Variants in ZFAT observed in about 807,000 individuals in gnomAD.
The protein encoded by ZFAT is zinc finger protein ZFAT.
Under a neutral mutation model 117.7 loss-of-function variants are expected in ZFAT, and 64 were observed. The observed-to-expected ratio is 0.54, with a 90% CI of 0.44 to 0.67. ZFAT has a LOEUF of 0.67. ZFAT is among the 30% of genes least tolerant of loss of function. The probability of loss-of-function intolerance (pLI) is 0.00; values close to 1 mark genes in which losing one functional copy is unlikely to be tolerated. For synonymous variants in ZFAT, 679 were observed against 615.0 expected, an observed-to-expected ratio of 1.10 and a Z score of -1.54; for missense variants, 1,433 against 1,584.5, an observed-to-expected ratio of 0.90 and a Z score of 1.62.
intron 5 of ZFAT, among the ~76,000 whole-genome samples, chr8:134,608,421 C>T (rs1282796466): frequency 5.3e-5 from 8 of 152,278 alleles, no homozygotes; most frequent in Middle Eastern, 3.4e-3. Context: ...TTTACTTAAG[C>T]TATGTTTCTA....
intron 12 of ZFAT, among the ~76,000 whole-genome samples, chr8:134,523,645 C>T (rs1820820733): frequency 6.6e-6 from 1 of 152,212 alleles, no homozygotes; most frequent in South Asian, 2.1e-4. Flanking sequence ...AAAATCCTGA[C>T]TCCTCCCTGT....
At chr8:134,636,664 T>C (rs1217842562) in intron 3 of ZFAT, among the ~76,000 whole-genome samples, 3 of 152,176 alleles carry the variant, frequency 2.0e-5, no homozygotes, top group Non-Finnish European at 2.9e-5. Context: ...GGGTACAGTT[T>C]GAAGGCTTCA....
At chr8:134,700,839 G>A (rs1003766351) in intron 1 of ZFAT, among the ~76,000 whole-genome samples, 3 of 152,088 alleles carry the variant, frequency 2.0e-5, no homozygotes, top group African/African-American at 7.2e-5. Context: ...CCTTGTACAA[G>A]CTTCTGGCAC....
At chr8:134,744,226 G>C in the ZFAT span, among the ~76,000 whole-genome samples, 1 of 151,926 alleles carries the variant, frequency 6.6e-6, no homozygotes, top group South Asian at 2.1e-4. Flanking sequence ...GTATGACTGA[G>C]GCCCCCATCT....
At chr8:134,514,074 A>C (rs4909858) in intron 13 of ZFAT, among the ~76,000 whole-genome samples, 8 of 151,996 alleles carry the variant, frequency 5.3e-5, no homozygotes, top group Non-Finnish European at 1.5e-5. Context: ...GAAGGCTGGT[A>C]CTCGTTGCAA....
At chr8:134,499,957 C>T (rs1349040575) in intron 15 of ZFAT, among the ~76,000 whole-genome samples, 2 of 152,134 alleles carry the variant, frequency 1.3e-5, no homozygotes, top group East Asian at 1.9e-4. Flanking sequence ...TTCTTGTTTC[C>T]GGGAATCCCT....
At chr8:134,555,416 A>G (rs1225926001) in intron 11 of ZFAT, among the ~76,000 whole-genome samples, 2 of 152,228 alleles carry the variant, frequency 1.3e-5, no homozygotes, top group Non-Finnish European at 2.9e-5. Flanking sequence ...AGGTGCTATG[A>G]ACTGTCTTGG....
intron 11 of ZFAT, among the ~76,000 whole-genome samples, chr8:134,556,085 G>GAAGA (rs1261923469): frequency 1.4e-5 from 2 of 142,748 alleles, no homozygotes; most frequent in African/African-American, 5.2e-5. Context: ...GGGAAGGAAG[G>GAAGA]GAGGGAAAAA....
At chr8:134,596,880 A>C (rs1039618164) in intron 7 of ZFAT, among the ~76,000 whole-genome samples, 6 of 152,154 alleles carry the variant, frequency 3.9e-5, no homozygotes, top group Non-Finnish European at 8.8e-5. Context: ...CCTAGGGCTC[A>C]GGGAGGGGAA....
chr8:134,669,992 A>G (rs1256733440), intron 1 of ZFAT, among the ~76,000 whole-genome samples: 1 of 152,066 alleles, frequency 6.6e-6, no homozygotes, highest in East Asian at 1.9e-4. Context: ...ACAAAGATCA[A>G]AAGAGACAAA....
chr8:134,529,337 G>C (rs1821243740), intron 12 of ZFAT, among the ~76,000 whole-genome samples: 1 of 152,204 alleles, frequency 6.6e-6, no homozygotes, highest in Admixed American at 6.5e-5. Flanking sequence ...TACTGAACCA[G>C]TTCTTGAGCT....
chr8:134,753,212 AC>A, the ZFAT span, among the ~76,000 whole-genome samples: 1 of 146,652 alleles, frequency 6.8e-6, no homozygotes. Flanking sequence ...AAAAAAAACA[AC>A]ACAAAACCAA....
the ZFAT span, among the ~76,000 whole-genome samples, chr8:134,758,438 T>C: frequency 2.6e-5 from 4 of 152,258 alleles, no homozygotes; most frequent in African/African-American, 7.2e-5. Context: ...CTCTCTGTGC[T>C]TAGTTTAAGA....
chr8:134,503,413 A>C (rs1335433349), intron 15 of ZFAT, among the ~76,000 whole-genome samples: 3 of 152,238 alleles, frequency 2.0e-5, no homozygotes, highest in African/African-American at 7.2e-5. Flanking sequence ...TCACCCTTGA[A>C]GCAAATAACA....
At chr8:134,810,257 T>C in the ZFAT span, among the ~76,000 whole-genome samples, 2 of 152,198 alleles carry the variant, frequency 1.3e-5, no homozygotes, top group African/African-American at 2.4e-5. Context: ...GGAAAATTGC[T>C]AACTTCAGTC....
the ZFAT span, among the ~76,000 whole-genome samples, chr8:134,815,938 T>C: frequency 9.2e-5 from 14 of 152,386 alleles, no homozygotes; most frequent in East Asian, 1.2e-3. Context: ...TTTATCTTCC[T>C]CTTCTGTCAG....
intron 1 of ZFAT, among the ~76,000 whole-genome samples, chr8:134,691,504 T>G (rs1271070845): frequency 6.6e-6 from 1 of 152,248 alleles, no homozygotes; most frequent in Non-Finnish European, 1.5e-5. Context: ...CAGCTTGTTC[T>G]GGCCTGCAGG....
chr8:134,631,679 C>A (rs969604236), intron 3 of ZFAT, among the ~76,000 whole-genome samples: 3 of 152,186 alleles, frequency 2.0e-5, no homozygotes, highest in Admixed American at 2.0e-4. Flanking sequence ...GGGTGCCTGG[C>A]CCTGTGACAA....
chr8:134,745,206 G>A, the ZFAT span, among the ~76,000 whole-genome samples: 1 of 152,188 alleles, frequency 6.6e-6, no homozygotes, highest in African/African-American at 2.4e-5. Flanking sequence ...CTTGAGGGAA[G>A]GGAATCATAT....
Sources: allele counts gnomAD v4.1 joint callset (sites outside exome capture counted in the v4.1 genomes callset), GRCh38; gene constraint gnomAD v4.1.1; transcripts MANE v1.5; gene names NCBI Gene and HGNC (gene_info 2026-07-23, HGNC 2026-07-21).